Variants in BCL2 observed in about 807,000 individuals in gnomAD.
BCL2 encodes BCL2 apoptosis regulator.
A neutral mutation model predicts 14.2 loss-of-function variants in BCL2; 1 was observed. The ratio of observed to expected loss-of-function variants is 0.07; its 90% CI spans 0.02 to 0.33. BCL2 has a LOEUF of 0.33. BCL2 is among the 10% of genes least tolerant of loss of function. The probability of loss-of-function intolerance (pLI) is 0.99; values close to 1 mark genes in which losing one functional copy is unlikely to be tolerated. For missense variants in BCL2, 247 were observed against 305.9 expected (o/e 0.81, Z 1.44); for synonymous variants, 151 against 137.2 (o/e 1.10, Z -0.70).
intron 2 of BCL2, among the ~76,000 whole-genome samples, chr18:63,170,176 T>A (rs186789126): frequency 2.6e-5 from 4 of 152,190 alleles, no homozygotes; most frequent in Admixed American, 2.6e-4. Context: ...CATACCTCAT[T>A]AGGTTCTTGG....
chr18:63,210,717 C>T (rs924268888), intron 2 of BCL2, among the ~76,000 whole-genome samples: 4 of 152,122 alleles, frequency 2.6e-5, no homozygotes, highest in Non-Finnish European at 5.9e-5. Flanking sequence ...CTTCTGCTTT[C>T]CTTTCAGTTC....
chr18:63,284,445 G>T (rs1467006541), intron 2 of BCL2, among the ~76,000 whole-genome samples: 2 of 152,152 alleles, frequency 1.3e-5, no homozygotes, highest in Non-Finnish European at 2.9e-5. Context: ...CCCAAACAGG[G>T]GACCCCAGAA....
intron 2 of BCL2, among the ~76,000 whole-genome samples, chr18:63,245,094 G>GT (rs1359121863): frequency 6.6e-6 from 1 of 152,210 alleles, no homozygotes; most frequent in Non-Finnish European, 1.5e-5. Flanking sequence ...CATTACTGGT[G>GT]TGTCTGCTTC....
intron 2 of BCL2, among the ~76,000 whole-genome samples, chr18:63,199,046 C>T (rs1909596440): frequency 6.7e-6 from 1 of 150,262 alleles, no homozygotes; most frequent in African/African-American, 2.5e-5. Context: ...CACAGACATA[C>T]AAAAGACACA....
At chr18:63,254,645 G>A (rs554069278) in intron 2 of BCL2, among the ~76,000 whole-genome samples, 5 of 152,038 alleles carry the variant, frequency 3.3e-5, no homozygotes, top group Admixed American at 3.3e-4. Context: ...ATAGCCCAAC[G>A]TTATTTGAAA....
intron 2 of BCL2, among the ~76,000 whole-genome samples, chr18:63,201,030 A>C (rs547093782): frequency 2.7e-4 from 41 of 152,326 alleles, no homozygotes; most frequent in African/African-American, 9.6e-4. Flanking sequence ...CATAACCTGC[A>C]CCAAATGGGC....
At chr18:63,134,073 G>A (rs1282334898) in intron 2 of BCL2, among the ~76,000 whole-genome samples, 1 of 152,112 alleles carries the variant, frequency 6.6e-6, no homozygotes, top group African/African-American at 2.4e-5. Flanking sequence ...ATACATGTGC[G>A]CGTTTACAAA....
intron 2 of BCL2, among the ~76,000 whole-genome samples, chr18:63,216,822 T>C (rs1417573916): frequency 6.6e-6 from 1 of 152,256 alleles, no homozygotes; most frequent in Non-Finnish European, 1.5e-5. Flanking sequence ...TGATTCGTTT[T>C]GCAGTGCAGT....
rs1914998693 is a variant in BCL2 at position 63,164,611 on chromosome 18, CA to C, written c.586-35853del. Among the ~76,000 whole-genome samples, 6 of 152,308 alleles carry C rather than the reference CA, an allele frequency of 3.9e-5. No individual in the cohort carries two copies. In the South Asian group the frequency reaches 1.2e-3, roughly 32 times the overall value. ...ATTCAATAAAATAAAAAGCCCTGCC[CA>C]GACCAGTGTCTGTAGTAGAAGATGC... On this transcript the variant is annotated intron_variant, in intron 2 of 2. Coordinates refer to ENST00000333681, the MANE Select transcript of BCL2 (RefSeq NM_000633.3).
chr18:63,153,917 A>G (rs1914712816), intron 2 of BCL2, among the ~76,000 whole-genome samples: 1 of 152,236 alleles, frequency 6.6e-6, no homozygotes, highest in Admixed American at 6.5e-5. Context: ...GGATTTTGGG[A>G]CATTCATGAA....
intron 2 of BCL2, among the ~76,000 whole-genome samples, chr18:63,218,092 T>C (rs1208339403): frequency 6.6e-6 from 1 of 152,202 alleles, no homozygotes; most frequent in Non-Finnish European, 1.5e-5. Context: ...TCTGCATCGG[T>C]GGTGTGTTTT....
At chr18:63,146,010 G>T (rs1220451711) in intron 2 of BCL2, among the ~76,000 whole-genome samples, 1 of 151,976 alleles carries the variant, frequency 6.6e-6, no homozygotes, top group Non-Finnish European at 1.5e-5. Context: ...CAGGACTCCC[G>T]TCCTATCTCC....
intron 2 of BCL2, among the ~76,000 whole-genome samples, chr18:63,228,944 G>C (rs1472606923): frequency 6.6e-6 from 1 of 152,130 alleles, no homozygotes; most frequent in East Asian, 1.9e-4. Flanking sequence ...TCCTGACCTT[G>C]AGTGATCTGC....
intron 2 of BCL2, among the ~76,000 whole-genome samples, chr18:63,227,313 G>A (rs9959874): frequency 0.085 from 12,871 of 152,258 alleles, 572 homozygotes; most frequent in South Asian, 0.16. Flanking sequence ...AGCTATTCAA[G>A]GATGTACTTC....
chr18:63,190,325 C>T (rs546587754), intron 2 of BCL2, among the ~76,000 whole-genome samples: 162 of 152,278 alleles, frequency 1.1e-3, no homozygotes, highest in African/African-American at 3.8e-3. Context: ...TTCCATGCCA[C>T]GGGACATTCT....
intron 2 of BCL2, among the ~76,000 whole-genome samples, chr18:63,185,720 A>G (rs939194567): frequency 6.6e-6 from 1 of 152,208 alleles, no homozygotes; most frequent in African/African-American, 2.4e-5. Flanking sequence ...TCACAACCCT[A>G]TGAGGTAGGT....
intron 2 of BCL2, chr18:63,302,352 G>C: frequency 1.0e-6 from 1 of 984,368 alleles, no homozygotes; most frequent in East Asian, 1.1e-4. Context: ...GGAAATAGTT[G>C]GTGGCTTGTT....
intron 2 of BCL2, among the ~76,000 whole-genome samples, chr18:63,258,873 C>T (rs552256452): frequency 3.9e-5 from 6 of 152,280 alleles, no homozygotes; most frequent in East Asian, 3.9e-4. Flanking sequence ...GATTAAGAAC[C>T]GACTAAAGGG....
chr18:63,138,448 C>T (rs1599202482), intron 2 of BCL2, among the ~76,000 whole-genome samples: 1 of 152,346 alleles, frequency 6.6e-6, no homozygotes, highest in East Asian at 1.9e-4. Context: ...CCTCCCTTTA[C>T]TCCCAAAATA....
Sources: gnomAD v4.1 joint callset for allele counts (sites outside exome capture counted in the v4.1 genomes callset) on GRCh38, gnomAD v4.1.1 for gene constraint, MANE v1.5 for transcripts, NCBI Gene and HGNC (gene_info 2026-07-23, HGNC 2026-07-21) for gene names.